STXBP5: variants seen among roughly 807,000 people sequenced by gnomAD.
STXBP5 encodes syntaxin binding protein 5.
A neutral mutation model predicts 152.4 loss-of-function variants in STXBP5; 50 were observed. The ratio of observed to expected loss-of-function variants is 0.33; its 90% CI spans 0.26 to 0.42. The LOEUF (loss-of-function observed/expected upper bound fraction) is 0.42. Ranked by LOEUF, STXBP5 falls within the 10% of genes least tolerant of loss-of-function variation. STXBP5 has a pLI of 1.00. For synonymous variants in STXBP5, 492 were observed against 494.7 expected (o/e 0.99, Z 0.07); for missense variants, 1,167 against 1,388.6 (o/e 0.84, Z 2.54).
intron 2 of STXBP5, among the ~76,000 whole-genome samples, chr6:147,206,792 C>G (rs1350762658): frequency 1.3e-5 from 2 of 151,896 alleles, no homozygotes; most frequent in Non-Finnish European, 2.9e-5. Flanking sequence ...TTTTTAAATA[C>G]TTCAAAAGAT....
At chr6:147,253,724 A>G (rs1470400038) in intron 4 of STXBP5, among the ~76,000 whole-genome samples, 2 of 152,270 alleles carry the variant, frequency 1.3e-5, no homozygotes, top group Non-Finnish European at 1.5e-5. Context: ...AATACCTAGG[A>G]ATACAACTTA....
At chr6:147,345,086 T>C (rs571195955) in intron 21 of STXBP5, among the ~76,000 whole-genome samples, 35 of 152,326 alleles carry the variant, frequency 2.3e-4, no homozygotes, top group African/African-American at 7.9e-4. Context: ...TCTTTTTGAT[T>C]AACAGGTCTG....
intron 22 of STXBP5, among the ~76,000 whole-genome samples, chr6:147,355,258 G>A (rs981819893): frequency 5.9e-5 from 9 of 152,032 alleles, no homozygotes; most frequent in African/African-American, 2.2e-4. Context: ...ATTTTTACCT[G>A]AACAGATTCA....
At chr6:147,370,373 T>C (rs2128417416) in intron 25 of STXBP5, among the ~76,000 whole-genome samples, 1 of 152,160 alleles carries the variant, frequency 6.6e-6, no homozygotes, top group East Asian at 1.9e-4. Context: ...ATTGTACACC[T>C]CAAATATATG....
chr6:147,375,174 C>A (rs1197338840), intron 26 of STXBP5, among the ~76,000 whole-genome samples: 1 of 152,066 alleles, frequency 6.6e-6, no homozygotes, highest in Non-Finnish European at 1.5e-5. Flanking sequence ...CATTAGGAAT[C>A]AACAGCATGA....
chr6:147,287,193 C>CTT lies in STXBP5; in HGVS notation c.839-3901_839-3900insTT, dbSNP rs1562463137. On this transcript the variant is annotated intron_variant, in intron 8 of 27. Coordinates refer to ENST00000321680, the MANE Select transcript of STXBP5 (RefSeq NM_001127715.4). ...ATAGTTCAATAATAACTTAATTGTA[C>CTT]ATTTTTTTTTTTTTTTTTTTTTTTT... Among the ~76,000 whole-genome samples the CTT allele has an allele frequency of 8.4e-4, 91 of 108,398 alleles. 6 individuals are homozygous for CTT. Among genetic ancestry groups the CTT allele is most frequent in the African/African-American group, 3.1e-3 (83 of 26,636 alleles). The allele number at this position is 108,398 out of a possible 152,430, so 71.1% of individuals were successfully genotyped here. A position where few individuals can be genotyped will look rare whatever the true frequency, so the allele number is the denominator to read the frequency against.
intron 6 of STXBP5, among the ~76,000 whole-genome samples, chr6:147,266,239 A>G (rs938235397): frequency 2.6e-5 from 4 of 152,104 alleles, no homozygotes; most frequent in African/African-American, 7.2e-5. Flanking sequence ...TGAATTTGCA[A>G]TTTATCCTAA....
Position 147,304,459 on chromosome 6 carries a change from T to C in STXBP5, c.918-5625T>C, listed in dbSNP as rs115591181. Among the ~76,000 whole-genome samples the C allele has an allele frequency of 1.6e-3, 239 of 152,100 alleles. 1 individual carries two copies. Among genetic ancestry groups the C allele is most frequent in the African/African-American group, 5.6e-3 (231 of 41,504 alleles). ...TCCAGGCAGAAGTTTGCTGCAGGGG[T>C]GAAAGCCTTGTGGAGAACCTCTACT... On this transcript the variant is annotated intron_variant, in intron 9 of 27. Coordinates refer to ENST00000321680, the MANE Select transcript of STXBP5 (RefSeq NM_001127715.4).
intron 16 of STXBP5, among the ~76,000 whole-genome samples, chr6:147,322,478 G>A (rs985273586): frequency 1.2e-4 from 19 of 152,184 alleles, no homozygotes; most frequent in African/African-American, 3.9e-4. Flanking sequence ...CTGTTTCCTA[G>A]CATGTATGTC....
intron 4 of STXBP5, among the ~76,000 whole-genome samples, chr6:147,256,384 T>A (rs1779367663): frequency 6.6e-6 from 1 of 152,164 alleles, no homozygotes; most frequent in East Asian, 1.9e-4. Flanking sequence ...TTTTCCAGTA[T>A]CTGCAGTATA....
intron 16 of STXBP5, among the ~76,000 whole-genome samples, chr6:147,321,710 A>G (rs535931346): frequency 6.6e-6 from 1 of 152,360 alleles, no homozygotes; most frequent in African/African-American, 2.4e-5. Context: ...GTGAGGCTCT[A>G]CGCATCACTT....
chr6:147,359,589 T>C (rs887746086), intron 23 of STXBP5, among the ~76,000 whole-genome samples: 5 of 150,486 alleles, frequency 3.3e-5, no homozygotes, highest in African/African-American at 1.2e-4. Context: ...TAGGTATATC[T>C]CCCAATGCTA....
chr6:147,282,743 C>T (rs939928940), intron 8 of STXBP5, among the ~76,000 whole-genome samples: 1 of 152,136 alleles, frequency 6.6e-6, no homozygotes, highest in African/African-American at 2.4e-5. Context: ...CTGAAGCACT[C>T]ATCTTGGTTT....
chr6:147,321,388 A>C (rs1049285657), intron 16 of STXBP5, among the ~76,000 whole-genome samples: 1 of 152,140 alleles, frequency 6.6e-6, no homozygotes, highest in African/African-American at 2.4e-5. Context: ...GGAGTTCAAG[A>C]CCAGTCTGGA....
chr6:147,236,636 T>C (rs1778284354), intron 3 of STXBP5, among the ~76,000 whole-genome samples: 1 of 152,172 alleles, frequency 6.6e-6, no homozygotes, highest in Non-Finnish European at 1.5e-5. Flanking sequence ...TACAGATGCA[T>C]GTAAGGACTA....
At chr6:147,239,138 A>G (rs1778416108) in intron 3 of STXBP5, 32 bp from the exon 4 acceptor site, 10 of 1,568,620 alleles carry the variant, frequency 6.4e-6, no homozygotes, top group Non-Finnish European at 8.7e-6. Flanking sequence ...AAAATATATT[A>G]TACATGAAAT....
intron 26 of STXBP5, 94 bp from the exon 27 acceptor site, chr6:147,382,684 C>G: frequency 2.3e-6 from 3 of 1,304,018 alleles, no homozygotes; most frequent in Non-Finnish European, 1.1e-6. Context: ...TGTATTACCA[C>G]TCAATCCAAA....
At chr6:147,216,481 A>G (rs2115060488) in intron 2 of STXBP5, among the ~76,000 whole-genome samples, 1 of 152,312 alleles carries the variant, frequency 6.6e-6, no homozygotes, top group East Asian at 1.9e-4. Flanking sequence ...GATATATTAC[A>G]TGCCTCTTGT....
At chr6:147,287,491 C>T (rs1357802942) in intron 8 of STXBP5, among the ~76,000 whole-genome samples, 5 of 152,066 alleles carry the variant, frequency 3.3e-5, no homozygotes, top group Non-Finnish European at 5.9e-5. Context: ...CGTGAGCCAC[C>T]GCGCCCGGCC....
Sources: allele counts gnomAD v4.1 joint callset (sites outside exome capture counted in the v4.1 genomes callset), GRCh38; gene constraint gnomAD v4.1.1; transcripts MANE v1.5; gene names NCBI Gene and HGNC (gene_info 2026-07-23, HGNC 2026-07-21).